Variants in MYO7A observed in about 807,000 individuals in gnomAD.
The protein encoded by MYO7A is myosin VIIA, also known as unconventional myosin-VIIa.
A neutral mutation model predicts 263.8 loss-of-function variants in MYO7A; 210 were observed. The observed-to-expected ratio is 0.80, with a 90% CI of 0.71 to 0.89. The LOEUF (loss-of-function observed/expected upper bound fraction) is 0.89. MYO7A is among the 40% of genes least tolerant of loss of function. The pLI is 0.00. For missense variants in MYO7A, 2,820 were observed against 2,968.3 expected (o/e 0.95, Z 1.16); for synonymous variants, 1,239 against 1,197.3 (o/e 1.03, Z -0.72).
intron 27 of MYO7A, among the ~76,000 whole-genome samples, chr11:77,186,560 C>T (rs1955660632): frequency 6.6e-6 from 1 of 152,214 alleles, no homozygotes; most frequent in African/African-American, 2.4e-5. Flanking sequence ...TTGCTTTGAA[C>T]CTCATGAGGC....
Position 77,179,813 on chromosome 11 carries a change from C to T in MYO7A, c.2446C>T (p.Arg816Cys), listed in dbSNP as rs781926175. 1.1e-5 allele frequency: 17 copies of T among 1,547,368 alleles called. No individual in the cohort carries two copies. Among genetic ancestry groups the T allele is most frequent in the East Asian group, 7.3e-5 (3 of 41,126 alleles). The change falls in exon 21 of 49, where the codon CGC (arginine) becomes TGC (cysteine). Residue 816 changes from arginine to cysteine, a missense_variant. By Grantham distance (180) the Arg-to-Cys change is radical. Transcript: ENST00000409709. ...LHQQYRLARQ[R>C]IIQFQARCRA... ...CCAGCAGTACCGCCTGGCCCGCCAG[C>T]GCATCATCCAGTTCCAGGCCCGCTG...
intron 2 of MYO7A, among the ~76,000 whole-genome samples, chr11:77,134,082 A>G (rs1950844801): frequency 6.6e-6 from 1 of 151,292 alleles, no homozygotes; most frequent in Admixed American, 6.6e-5. Flanking sequence ...AGCGTGCACC[A>G]CCATACCTGG....
chr11:77,158,566 G>T (rs1404897027), intron 9 of MYO7A, 136 bp downstream of exon 9: 2 of 1,157,782 alleles, frequency 1.7e-6, no homozygotes, highest in Admixed American at 2.8e-5. Flanking sequence ...GGAAGAATTC[G>T]CCTGTGGGTA....
At chr11:77,172,177 T>A (rs937973148) in intron 15 of MYO7A, among the ~76,000 whole-genome samples, 2 of 152,168 alleles carry the variant, frequency 1.3e-5, no homozygotes, top group African/African-American at 4.8e-5. Flanking sequence ...TTTACTGAAA[T>A]ATGCCCTGAC....
intron 41 of MYO7A, 26 bp from the exon 42 acceptor site, chr11:77,207,263 A>G (rs1430435527): frequency 5.8e-6 from 9 of 1,541,114 alleles, no homozygotes; most frequent in Non-Finnish European, 6.2e-6. Context: ...GCCCTGCAGG[A>G]GCCCAGTGCT....
intron 27 of MYO7A, among the ~76,000 whole-genome samples, chr11:77,186,023 A>G (rs1425344709): frequency 6.6e-6 from 1 of 151,744 alleles, no homozygotes; most frequent in Admixed American, 6.6e-5. Flanking sequence ...CCCGGGTTCA[A>G]GCAATTCTCC....
chr11:77,213,146 A>C (rs1316401747), intron 47 of MYO7A, 111 bp downstream of exon 47: 2 of 825,322 alleles, frequency 2.4e-6, no homozygotes, highest in Non-Finnish European at 3.9e-6. Context: ...CTCTAGACTC[A>C]TCCACCCATC....
intron 25 of MYO7A, 40 bp downstream of exon 25, chr11:77,182,640 CCGA>C: frequency 6.2e-7 from 1 of 1,607,298 alleles, no homozygotes; most frequent in Non-Finnish European, 8.5e-7. Context: ...CCCTCCCAGG[CCGA>C]CAAGGAGGGC....
chr11:77,172,647 C>G, intron 15 of MYO7A, 101 bp from the exon 16 acceptor site: 2 of 1,471,972 alleles, frequency 1.4e-6, no homozygotes, highest in Non-Finnish European at 9.2e-7. Context: ...CCCTCAAACC[C>G]TGACCCCGCT....
intron 2 of MYO7A, among the ~76,000 whole-genome samples, chr11:77,131,054 G>T (rs1275211882): frequency 2.6e-5 from 4 of 152,170 alleles, no homozygotes; most frequent in Non-Finnish European, 5.9e-5. Context: ...TGGAGGGCGG[G>T]GGGTGACAAG....
intron 31 of MYO7A, among the ~76,000 whole-genome samples, chr11:77,193,131 A>ATGGTGTTGATGG (rs1161102366): frequency 1.3e-5 from 1 of 75,226 alleles, no homozygotes; most frequent in Non-Finnish European, 2.7e-5. Flanking sequence ...GGAGGTAGCG[A>ATGGTGTTGATGG]TGCTGTTGGT....
At chr11:77,159,750 C>G (rs998650143) in intron 10 of MYO7A, among the ~76,000 whole-genome samples, 4 of 152,188 alleles carry the variant, frequency 2.6e-5, no homozygotes, top group African/African-American at 9.7e-5. Context: ...ATGCTCTGGG[C>G]TATGTGACCC....
In MYO7A at chr11:77,142,796, G is replaced by A. The variant is rs1201506175; in HGVS notation, c.106G>A (p.Val36Ile). 1 of 1,609,600 alleles carries A rather than the reference G, an allele frequency of 6.2e-7. No homozygotes were observed. The highest frequency in any genetic ancestry group is 8.5e-7 in the Non-Finnish European group (1 of 1,178,292). ...AVVKLCDSGQ[V>I]QVVDDEDNEH... The stretch of plus-strand genomic sequence containing the variant: ...GGTGAAGCTCTGCGACTCTGGGCAG[G>A]TCCAGGTGGTGGATGATGAAGACAA... Residue 36 changes from valine (V) to isoleucine (I), a missense_variant, in exon 3 of 49, where the codon GTC (valine) becomes ATC (isoleucine). Coordinates refer to ENST00000409709, the MANE Select transcript of MYO7A (RefSeq NM_000260.4).
chr11:77,167,718 G>T (rs1953685062), intron 15 of MYO7A, among the ~76,000 whole-genome samples: 1 of 152,052 alleles, frequency 6.6e-6, no homozygotes. Context: ...CTTTGGCCTG[G>T]TGCTGAGTCC....
chr11:77,191,118 G>C (rs975519438), intron 30 of MYO7A: 1 of 394,702 alleles, frequency 2.5e-6, no homozygotes, highest in Non-Finnish European at 4.6e-6. Flanking sequence ...TCAGGAGTTC[G>C]AGACCAGCCT....
chr11:77,130,327 C>T (rs547583549), intron 1 of MYO7A, among the ~76,000 whole-genome samples: 2 of 152,318 alleles, frequency 1.3e-5, no homozygotes, highest in East Asian at 3.9e-4. Context: ...GCCAGACTTG[C>T]TACTTTCTAG....
chr11:77,197,314 AG>A (rs1450506222), intron 32 of MYO7A, among the ~76,000 whole-genome samples, 166 bp from the exon 33 acceptor site: 2 of 152,258 alleles, frequency 1.3e-5, no homozygotes, highest in African/African-American at 4.8e-5. Flanking sequence ...CGAATGAGAA[AG>A]GTGGGGACAG....
intron 9 of MYO7A, 124 bp from the exon 10 acceptor site, chr11:77,159,323 A>G (rs1952770260): frequency 2.6e-6 from 2 of 782,460 alleles, no homozygotes; most frequent in African/African-American, 1.7e-5. Context: ...CACAATGCTG[A>G]TGCCCTCCCT....
chr11:77,198,408 T>C, intron 33 of MYO7A, 87 bp from the exon 34 acceptor site: 7 of 1,537,684 alleles, frequency 4.6e-6, no homozygotes, highest in Non-Finnish European at 6.2e-6. Flanking sequence ...AATCAGTGTA[T>C]TGCCACCTGC....
Sources: allele counts gnomAD v4.1 joint callset (sites outside exome capture counted in the v4.1 genomes callset), GRCh38; gene constraint gnomAD v4.1.1; transcripts MANE v1.5; gene names NCBI Gene and HGNC (gene_info 2026-07-23, HGNC 2026-07-21).